ATXN10: variants seen among roughly 807,000 people sequenced by gnomAD.
ATXN10 encodes the protein ataxin-10.
In ATXN10, 28 loss-of-function variants were observed where a neutral mutation model predicts 52.9. The ratio of observed to expected loss-of-function variants is 0.53; its 90% CI spans 0.39 to 0.73. The LOEUF (loss-of-function observed/expected upper bound fraction) is 0.73, where lower values mean the gene tolerates loss of function less well. Among genes scored for constraint, ATXN10 ranks in the 30% least tolerant of loss-of-function variants. The pLI is 0.00. For synonymous variants in ATXN10, 226 were observed against 221.5 expected, an observed-to-expected ratio of 1.02 and a Z score of -0.18; for missense variants, 565 against 577.0, an observed-to-expected ratio of 0.98 and a Z score of 0.21.
chr22:45,771,958 T>G (rs879637300), intron 9 of ATXN10, among the ~76,000 whole-genome samples: 3 of 152,226 alleles, frequency 2.0e-5, no homozygotes, highest in Non-Finnish European at 2.9e-5. Flanking sequence ...TTGAGCATTC[T>G]TTGTGTATTC....
chr22:45,839,693 A>G (rs968436065), intron 10 of ATXN10, among the ~76,000 whole-genome samples: 1 of 152,234 alleles, frequency 6.6e-6, no homozygotes, highest in South Asian at 2.1e-4. Flanking sequence ...CCCCAAGATG[A>G]ACATGATGAA....
chr22:45,710,496 G>A (rs916283324), intron 5 of ATXN10, among the ~76,000 whole-genome samples: 20 of 151,974 alleles, frequency 1.3e-4, no homozygotes, highest in Admixed American at 6.6e-4. Context: ...TACCACTATC[G>A]AACATTATAC....
chr22:45,821,696 A>G (rs1305416691), intron 10 of ATXN10, among the ~76,000 whole-genome samples: 4 of 152,306 alleles, frequency 2.6e-5, no homozygotes, highest in Non-Finnish European at 4.4e-5. Flanking sequence ...ACATCTTGAC[A>G]TTTAGGGGCT....
rs898677579 is a variant in ATXN10 at position 45,824,815 on chromosome 22, T to G, written c.1237+17793T>G. Among the ~76,000 whole-genome samples, 2 of 152,218 alleles carry G rather than the reference T, an allele frequency of 1.3e-5. No homozygotes were observed. The highest frequency in any genetic ancestry group is 4.8e-5 in the African/African-American group (2 of 41,450). The stretch of plus-strand genomic sequence containing the variant: ...CTTTGTTGACCTCAAGATAAAGACC[T>G]TGTAACAACAACAGTAATAACAGAT... On this transcript the variant is annotated intron_variant, in intron 10 of 11. Coordinates refer to ENST00000252934, the MANE Select transcript of ATXN10 (RefSeq NM_013236.4). The surrounding 1 kb of genome is among the most constrained non-coding windows in gnomAD (Gnocchi z 5.2).
rs1417076671 is a variant in ATXN10 at position 45,842,992 on chromosome 22, T to A, written c.1239T>A (p.Phe413Leu). ...CACATTCCTTCACTCTGGCTCCAGT[T>A]CTGACCCAGTGGGTGATATATGCCA... is the stretch of plus-strand genomic sequence containing the variant. ...DNCNISDSNPFLTQWVIYAIR... is the reference protein window; with the variant it reads ...DNCNISDSNPLLTQWVIYAIR... The change falls in exon 11 of 12, where the codon TTT becomes TTA. Residue 413 changes from phenylalanine (F) to leucine (L), a missense_variant and splice_region_variant. Coordinates refer to ENST00000252934, the MANE Select transcript of ATXN10 (RefSeq NM_013236.4). This position sits in a 1 kb window ranked among gnomAD's most constrained non-coding sequence, Gnocchi z 4.8. 2 of 1,614,168 alleles carry A rather than the reference T, an allele frequency of 1.2e-6. No homozygotes were observed. Among genetic ancestry groups the A allele is most frequent in the South Asian group, 2.2e-5 (2 of 91,088 alleles).
At chr22:45,711,777 C>T (rs1299592644) in intron 5 of ATXN10, among the ~76,000 whole-genome samples, 1 of 152,170 alleles carries the variant, frequency 6.6e-6, no homozygotes, top group Non-Finnish European at 1.5e-5. Context: ...CTGCTTAAAA[C>T]ATTTCTTTCT....
At chr22:45,758,395 A>G (rs951829923) in intron 9 of ATXN10, among the ~76,000 whole-genome samples, 3 of 152,278 alleles carry the variant, frequency 2.0e-5, no homozygotes, top group Non-Finnish European at 2.9e-5. Flanking sequence ...AGGAAATTAC[A>G]TATTCATGGC....
chr22:45,832,359 G>A (rs1929021979), intron 10 of ATXN10, among the ~76,000 whole-genome samples: 1 of 152,154 alleles, frequency 6.6e-6, no homozygotes, highest in South Asian at 2.1e-4. Flanking sequence ...TGTGTGGCCT[G>A]CTCCCATCTG....
In ATXN10 at chr22:45,800,988, C is replaced by G. The variant is rs144437577; in HGVS notation, c.1174-5971C>G. The stretch of plus-strand genomic sequence containing the variant: ...TGATTTGTTTGTGGCTGTGCAGATG[C>G]ACTTGGCAGTTTCTGTAAATTATAC... On this transcript the variant is annotated intron_variant, in intron 9 of 11. Transcript: ENST00000252934. 3.3e-4 allele frequency among the ~76,000 whole-genome samples: 50 copies of G among 152,298 alleles called. 1 individual carries two copies. In the East Asian group the frequency reaches 8.3e-3, roughly 25 times the overall value.
chr22:45,741,642 C>T (rs1015612838), intron 9 of ATXN10, among the ~76,000 whole-genome samples: 1 of 151,932 alleles, frequency 6.6e-6, no homozygotes, highest in African/African-American at 2.4e-5. Flanking sequence ...GGGCATAGTC[C>T]TTCCTGAATT....
chr22:45,839,218 C>A (rs1209895144), intron 10 of ATXN10, among the ~76,000 whole-genome samples: 3 of 152,224 alleles, frequency 2.0e-5, no homozygotes, highest in Admixed American at 1.3e-4. Context: ...TATTTCTTGT[C>A]AGCCTTCCAC....
Position 45,819,549 on chromosome 22 carries a change from C to T in ATXN10, c.1237+12527C>T, listed in dbSNP as rs527990113. On this transcript the variant is annotated intron_variant, in intron 10 of 11. Transcript: ENST00000252934. The surrounding 1 kb of genome is among the most constrained non-coding windows in gnomAD (Gnocchi z 4.5). The stretch of plus-strand genomic sequence containing the variant: ...TCACTGACGTATTCATTGTAGTTGA[C>T]TCAGAACCACTAGGGCACTTCTGTG... Among the ~76,000 whole-genome samples, 98 of 152,294 alleles carry T rather than the reference C, an allele frequency of 6.4e-4. No homozygotes were observed. Among genetic ancestry groups the T allele is most frequent in the Non-Finnish European group, 1.3e-3 (88 of 68,032 alleles).
intron 9 of ATXN10, among the ~76,000 whole-genome samples, chr22:45,749,609 T>C (rs1030268610): frequency 6.6e-6 from 1 of 152,206 alleles, no homozygotes; most frequent in African/African-American, 2.4e-5. Flanking sequence ...TTGCTCAGGC[T>C]GGAGTGCAGT....
chr22:45,821,747 G>C (rs766214864), intron 10 of ATXN10, among the ~76,000 whole-genome samples: 1 of 152,124 alleles, frequency 6.6e-6, no homozygotes, highest in Non-Finnish European at 1.5e-5. Flanking sequence ...CCTGTGAACT[G>C]CATTTGGCAG....
At chr22:45,742,665 G>A (rs1363184276) in intron 9 of ATXN10, among the ~76,000 whole-genome samples, 2 of 152,060 alleles carry the variant, frequency 1.3e-5, no homozygotes, top group African/African-American at 4.8e-5. Flanking sequence ...AAAATAAAAC[G>A]GCCGCTTTAG....
intron 9 of ATXN10, among the ~76,000 whole-genome samples, chr22:45,778,025 C>T (rs2146849823): frequency 6.6e-6 from 1 of 152,304 alleles, no homozygotes; most frequent in East Asian, 1.9e-4. Context: ...TTAATATTGC[C>T]TATGGCCATT....
At chr22:45,691,290 G>A (rs2283664) in intron 2 of ATXN10, among the ~76,000 whole-genome samples, 46,036 of 152,148 alleles carry the variant, frequency 0.3, 7,344 homozygotes, top group South Asian at 0.4. Context: ...TTTGACTGTG[G>A]CTGGCAGATA....
chr22:45,827,130 CA>C (rs1415077331), intron 10 of ATXN10, among the ~76,000 whole-genome samples: 2 of 1,510 alleles, frequency 1.3e-3, no homozygotes, highest in Non-Finnish European at 2.1e-3. Flanking sequence ...CCATGGTAAC[CA>C]CACACACACA....
intron 10 of ATXN10, among the ~76,000 whole-genome samples, chr22:45,817,190 G>C (rs956003170): frequency 6.6e-6 from 1 of 152,068 alleles, no homozygotes; most frequent in African/African-American, 2.4e-5. Context: ...CTCTTCCGCT[G>C]ATTTCTACAT....
Sources: gnomAD v4.1 joint callset for allele counts (sites outside exome capture counted in the v4.1 genomes callset) on GRCh38, gnomAD v4.1.1 for gene constraint, Gnocchi (gnomAD v3.1) non-coding constraint, MANE v1.5 for transcripts, NCBI Gene and HGNC (gene_info 2026-07-23, HGNC 2026-07-21) for gene names.